LHFPL3: variants seen among roughly 807,000 people sequenced by gnomAD.
The protein encoded by LHFPL3 is LHFPL tetraspan subfamily member 3 protein.
A neutral mutation model predicts 19.3 loss-of-function variants in LHFPL3; 5 were observed. The observed-to-expected ratio is 0.26, with a 90% confidence interval of 0.14 to 0.54. The LOEUF (loss-of-function observed/expected upper bound fraction) is 0.54, where lower values mean the gene tolerates loss of function less well. Ranked by LOEUF, LHFPL3 falls within the 20% of genes least tolerant of loss-of-function variation. LHFPL3 has a pLI of 0.94. For synonymous variants in LHFPL3, 133 were observed against 126.2 expected (o/e 1.05, Z -0.36); for missense variants, 249 against 307.4 (o/e 0.81, Z 1.42).
chr7:104,695,447 T>G (rs1229897142), intron 1 of LHFPL3, among the ~76,000 whole-genome samples: 1 of 152,236 alleles, frequency 6.6e-6, no homozygotes, highest in Non-Finnish European at 1.5e-5. Context: ...ACCTTTTTTG[T>G]TGGGTCTCCC....
chr7:104,428,667 A>G (rs1016596577), intron 1 of LHFPL3, among the ~76,000 whole-genome samples: 1 of 152,176 alleles, frequency 6.6e-6, no homozygotes, highest in African/African-American at 2.4e-5. Context: ...ATTAGAACTA[A>G]TCACTTAGGA....
intron 1 of LHFPL3, among the ~76,000 whole-genome samples, chr7:104,734,740 G>T (rs1793772230): frequency 6.6e-6 from 1 of 152,228 alleles, no homozygotes; most frequent in South Asian, 2.1e-4. Context: ...TCTCCATCCA[G>T]CTTTGTTCCG....
intron 1 of LHFPL3, among the ~76,000 whole-genome samples, chr7:104,432,167 C>G (rs1328407333): frequency 6.6e-6 from 1 of 152,194 alleles, no homozygotes; most frequent in Non-Finnish European, 1.5e-5. Flanking sequence ...TCCACTTGGC[C>G]CTTCCAACTC....
At chr7:104,735,223 A>G (rs1037770957) in intron 1 of LHFPL3, among the ~76,000 whole-genome samples, 1 of 152,174 alleles carries the variant, frequency 6.6e-6, no homozygotes, top group Admixed American at 6.5e-5. Flanking sequence ...GTGCTGGGAG[A>G]ACCACTACTC....
chr7:104,328,611 G>C lies in LHFPL3; in HGVS notation c.-169G>C. ...CCGGAGGGGTGCTCCGCGCTCCCCCGCCCTCCTTCCGGGAGCGAGGATGCA... is the reference window on the plus strand; with the variant it reads ...CCGGAGGGGTGCTCCGCGCTCCCCCCCCCTCCTTCCGGGAGCGAGGATGCA... On this transcript the variant is annotated 5_prime_UTR_variant, in exon 1 of 3. Coordinates refer to ENST00000424859, the MANE Select transcript of LHFPL3 (RefSeq NM_199000.3). The surrounding 1 kb of genome is among the most constrained non-coding windows in gnomAD (Gnocchi z 4.6). 2 of 643,980 alleles carry C rather than the reference G, an allele frequency of 3.1e-6. No homozygotes were observed. The highest frequency in any genetic ancestry group is 2.8e-5 in the East Asian group (1 of 36,168). The allele number at this position is 643,980 out of a possible 1,614,324, so 39.9% of individuals were successfully genotyped here.
At chr7:104,330,520 C>G (rs763037314) in intron 1 of LHFPL3, among the ~76,000 whole-genome samples, 1 of 152,030 alleles carries the variant, frequency 6.6e-6, no homozygotes, top group Non-Finnish European at 1.5e-5. Flanking sequence ...TCCTATATTG[C>G]TAGTTTGATA....
chr7:104,359,229 A>G (rs1790343344), intron 1 of LHFPL3, among the ~76,000 whole-genome samples: 1 of 152,212 alleles, frequency 6.6e-6, no homozygotes, highest in South Asian at 2.1e-4. Flanking sequence ...GCTCTTTTAG[A>G]AGCAACATTA....
chr7:104,863,406 G>A (rs370582647), intron 2 of LHFPL3, among the ~76,000 whole-genome samples: 1 of 152,152 alleles, frequency 6.6e-6, no homozygotes. Context: ...CACAGTTTAA[G>A]CCTCTGGGTT....
chr7:104,870,384 G>C (rs1791810175), intron 2 of LHFPL3, among the ~76,000 whole-genome samples: 1 of 152,274 alleles, frequency 6.6e-6, no homozygotes, highest in African/African-American at 2.4e-5. Flanking sequence ...GTGACCACAG[G>C]CTGTAATATT....
intron 1 of LHFPL3, among the ~76,000 whole-genome samples, chr7:104,609,787 A>G (rs1791177489): frequency 6.6e-6 from 1 of 152,198 alleles, no homozygotes; most frequent in African/African-American, 2.4e-5. Flanking sequence ...GCAGTAATTT[A>G]ATAATACAAT....
At chr7:104,403,054 CAG>C (rs143094160) in intron 1 of LHFPL3, among the ~76,000 whole-genome samples, 6,179 of 152,148 alleles carry the variant, frequency 0.041, 431 homozygotes, top group African/African-American at 0.14. Flanking sequence ...CGGGGCCTGT[CAG>C]GGGGTGATAT....
intron 2 of LHFPL3, among the ~76,000 whole-genome samples, chr7:104,870,044 G>A (rs1791802283): frequency 6.7e-6 from 1 of 149,326 alleles, no homozygotes; most frequent in South Asian, 2.1e-4. Flanking sequence ...TGAACAATGA[G>A]AACACATGGA....
chr7:104,562,948 G>T (rs182694030), intron 1 of LHFPL3, among the ~76,000 whole-genome samples: 1 of 152,144 alleles, frequency 6.6e-6, no homozygotes, highest in East Asian at 1.9e-4. Context: ...GCCGTGTGAG[G>T]TGTCAGTGTG....
intron 1 of LHFPL3, among the ~76,000 whole-genome samples, chr7:104,424,983 T>TAAAAAAAAAAAA (rs71153196): frequency 0.014 from 935 of 64,946 alleles, 89 homozygotes; most frequent in African/African-American, 0.037. Context: ...CTCCATCTCA[T>TAAAAAAAAAAAA]AAAAAAAAAA....
chr7:104,396,235 C>T (rs772744783), intron 1 of LHFPL3, among the ~76,000 whole-genome samples: 3 of 152,144 alleles, frequency 2.0e-5, no homozygotes, highest in South Asian at 2.1e-4. Flanking sequence ...TCTTCAGTTG[C>T]CTGCCTTATG....
intron 2 of LHFPL3, among the ~76,000 whole-genome samples, chr7:104,901,860 C>T (rs575103971): frequency 6.6e-6 from 1 of 152,092 alleles, no homozygotes; most frequent in East Asian, 1.9e-4. Context: ...TGAGCCACCA[C>T]GACTGGCCCT....
intron 1 of LHFPL3, among the ~76,000 whole-genome samples, chr7:104,478,715 G>A (rs73179956): frequency 0.041 from 6,212 of 152,160 alleles, 169 homozygotes; most frequent in Middle Eastern, 0.065. Flanking sequence ...ATACTTAATG[G>A]CTACTAATCA....
chr7:104,560,723 G>T (rs1267213140), intron 1 of LHFPL3, among the ~76,000 whole-genome samples: 2 of 146,790 alleles, frequency 1.4e-5, no homozygotes, highest in African/African-American at 5.2e-5. Flanking sequence ...CCTTCTGCTA[G>T]CTTTTGAATG....
At chr7:104,509,001 C>A (rs543687829) in intron 1 of LHFPL3, among the ~76,000 whole-genome samples, 1 of 152,040 alleles carries the variant, frequency 6.6e-6, no homozygotes. Context: ...ACAAATTAGA[C>A]AAAATGAACC....
Sources: gnomAD v4.1 joint callset for allele counts (sites outside exome capture counted in the v4.1 genomes callset) on GRCh38, gnomAD v4.1.1 for gene constraint, Gnocchi (gnomAD v3.1) non-coding constraint, MANE v1.5 for transcripts, NCBI Gene and HGNC (gene_info 2026-07-23, HGNC 2026-07-21) for gene names.